PBX1: variants seen among roughly 807,000 people sequenced by gnomAD.
PBX1 encodes PBX homeobox 1.
PBX1 carries 6 observed loss-of-function variants against 53.4 expected under a neutral mutation model. That is an observed-to-expected ratio of 0.11 (90% CI 0.06 to 0.22). The LOEUF is 0.22. Among genes scored for constraint, PBX1 ranks in the 10% least tolerant of loss-of-function variants. The pLI is 1.00. For synonymous variants in PBX1, 204 were observed against 212.3 expected (o/e 0.96, Z 0.34); for missense variants, 251 against 551.4 (o/e 0.46, Z 5.46).
intron 2 of PBX1, among the ~76,000 whole-genome samples, chr1:164,639,217 C>A (rs1246392686): frequency 6.6e-6 from 1 of 152,206 alleles, no homozygotes. Context: ...TGCTGTTCAC[C>A]TCCTCTCCAT....
chr1:164,622,844 A>G (rs111959862), intron 2 of PBX1, among the ~76,000 whole-genome samples: 1,168 of 65,712 alleles, frequency 0.018, 21 homozygotes, highest in African/African-American at 0.06. Flanking sequence ...TTTTTTTTTG[A>G]GACAGAGTCT....
intron 2 of PBX1, among the ~76,000 whole-genome samples, chr1:164,623,207 C>A (rs1657807543): frequency 6.6e-6 from 1 of 152,130 alleles, no homozygotes; most frequent in Non-Finnish European, 1.5e-5. Context: ...TCGTTACACA[C>A]AAGAGGATCA....
At chr1:164,649,585 C>T (rs938237565) in intron 2 of PBX1, among the ~76,000 whole-genome samples, 2 of 152,158 alleles carry the variant, frequency 1.3e-5, no homozygotes, top group Admixed American at 6.5e-5. Context: ...GGCCACTTGG[C>T]TTCCTAGATT....
chr1:164,627,779 C>T (rs1658139913), intron 2 of PBX1, among the ~76,000 whole-genome samples: 2 of 152,142 alleles, frequency 1.3e-5, no homozygotes, highest in Admixed American at 1.3e-4. Context: ...AATAATAATA[C>T]CAATACATTG....
intron 2 of PBX1, among the ~76,000 whole-genome samples, chr1:164,583,415 G>A (rs78142395): frequency 0.016 from 2,466 of 152,210 alleles, 74 homozygotes; most frequent in African/African-American, 0.056. Flanking sequence ...AACTAACCCA[G>A]CCTCTCTGAA....
chr1:164,761,190 A>G (rs974197511), intron 2 of PBX1, among the ~76,000 whole-genome samples: 1 of 152,210 alleles, frequency 6.6e-6, no homozygotes, highest in Non-Finnish European at 1.5e-5. Context: ...GTCAGGGAAA[A>G]GGATTTTTCC....
At chr1:164,594,104 AT>A (rs765266938) in intron 2 of PBX1, among the ~76,000 whole-genome samples, 2 of 152,088 alleles carry the variant, frequency 1.3e-5, no homozygotes, top group Non-Finnish European at 2.9e-5. Context: ...TTCCTATTTC[AT>A]CTCACATCAA....
intron 2 of PBX1, among the ~76,000 whole-genome samples, chr1:164,604,790 C>T (rs1180601128): frequency 6.6e-6 from 1 of 151,338 alleles, no homozygotes; most frequent in Non-Finnish European, 1.5e-5. Flanking sequence ...TGTGGCTTTC[C>T]CTAAGACATC....
chr1:164,572,128 A>G lies in PBX1; in HGVS notation c.265+8817A>G, dbSNP rs540537878. ...CACCATGTTGACCAGGCTGGTCTCG[A>G]ACTCCTGACCTCAAGTGATCCACCG... is the stretch of plus-strand genomic sequence containing the variant. On this transcript the variant is annotated intron_variant, in intron 2 of 8. Coordinates refer to ENST00000420696, the MANE Select transcript of PBX1 (RefSeq NM_002585.4). Among the ~76,000 whole-genome samples the G allele has an allele frequency of 7.3e-5, 11 of 151,614 alleles. 1 individual carries two copies. Among genetic ancestry groups the G allele is most frequent in the African/African-American group, 2.4e-4 (10 of 41,318 alleles).
chr1:164,776,157 G>A (rs1253239228), intron 2 of PBX1, among the ~76,000 whole-genome samples: 2 of 152,138 alleles, frequency 1.3e-5, no homozygotes, highest in African/African-American at 4.8e-5. Context: ...ATAGATTTCA[G>A]TGAAGAGGCA....
intron 2 of PBX1, among the ~76,000 whole-genome samples, chr1:164,632,305 C>T (rs1235648674): frequency 6.6e-6 from 1 of 152,114 alleles, no homozygotes; most frequent in African/African-American, 2.4e-5. Context: ...CTGCTACCCT[C>T]GCCCCTTTCA....
chr1:164,871,446 G>A (rs983813834), intron 2 of PBX1, among the ~76,000 whole-genome samples: 1 of 152,248 alleles, frequency 6.6e-6, no homozygotes, highest in Non-Finnish European at 1.5e-5. Context: ...GCAGTGTAAT[G>A]TGCATATGCA....
At chr1:164,744,088 C>CAGGAG (rs1274121022) in intron 2 of PBX1, among the ~76,000 whole-genome samples, 1 of 152,050 alleles carries the variant, frequency 6.6e-6, no homozygotes, top group African/African-American at 2.4e-5. Context: ...CCCGCAGCAC[C>CAGGAG]AGGAGATACA....
At chr1:164,703,994 C>T (rs6702941) in intron 2 of PBX1, among the ~76,000 whole-genome samples, 40,046 of 151,816 alleles carry the variant, frequency 0.26, 5,398 homozygotes, top group African/African-American at 0.29. Context: ...GGAGGAGGTC[C>T]CTCCCTCTCT....
intron 2 of PBX1, among the ~76,000 whole-genome samples, chr1:164,753,912 G>A (rs1374775963): frequency 6.6e-6 from 1 of 152,238 alleles, no homozygotes; most frequent in Non-Finnish European, 1.5e-5. Flanking sequence ...AAGGTGGCAG[G>A]AGTAGCCGTG....
At chr1:164,727,282 G>A (rs140865276) in intron 2 of PBX1, among the ~76,000 whole-genome samples, 206 of 152,236 alleles carry the variant, frequency 1.4e-3, no homozygotes, top group African/African-American at 4.7e-3. Flanking sequence ...CTACAATTCT[G>A]TTGTTTTTGA....
At chr1:164,684,569 T>C (rs1384070566) in intron 2 of PBX1, 2 of 152,226 alleles carry the variant, frequency 1.3e-5, no homozygotes, top group East Asian at 3.9e-4. Context: ...AAAGACTGTA[T>C]TTAGATATTT....
At chr1:164,718,708 A>T (rs367944580) in intron 2 of PBX1, among the ~76,000 whole-genome samples, 2 of 152,122 alleles carry the variant, frequency 1.3e-5, no homozygotes, top group Admixed American at 1.3e-4. Context: ...TGCCTGACTG[A>T]TGGTTGCCGG....
At chr1:164,881,269 A>T (rs1053311784) in intron 2 of PBX1, among the ~76,000 whole-genome samples, 9 of 151,558 alleles carry the variant, frequency 5.9e-5, no homozygotes, top group African/African-American at 2.2e-4. Flanking sequence ...CTTGAAGAAG[A>T]ACTGCAGAGA....
Sources: allele counts gnomAD v4.1 joint callset (sites outside exome capture counted in the v4.1 genomes callset), GRCh38; gene constraint gnomAD v4.1.1; transcripts MANE v1.5; gene names NCBI Gene and HGNC (gene_info 2026-07-23, HGNC 2026-07-21).